LCLAT1: variants seen among roughly 807,000 people sequenced by gnomAD.
The protein encoded by LCLAT1 is lysocardiolipin acyltransferase 1.
In LCLAT1, 11 loss-of-function variants were observed where a neutral mutation model predicts 30.7. That is an observed-to-expected ratio of 0.36 (90% CI 0.23 to 0.59). The LOEUF (loss-of-function observed/expected upper bound fraction) is 0.59, where lower values mean the gene tolerates loss of function less well. Among genes scored for constraint, LCLAT1 ranks in the 20% least tolerant of loss-of-function variants. The pLI, the probability that LCLAT1 is intolerant of heterozygous loss-of-function variation, is 0.77. For synonymous variants in LCLAT1, 155 were observed against 151.3 expected, an observed-to-expected ratio of 1.02 and a Z score of -0.18; for missense variants, 402 against 458.6, an observed-to-expected ratio of 0.88 and a Z score of 1.13.
rs142682387 is a variant in LCLAT1 at position 30,521,750 on chromosome 2, T to A, written c.-4-3837T>A. Among the ~76,000 whole-genome samples the A allele has an allele frequency of 9.6e-3, 1,464 of 151,772 alleles. 21 individuals are homozygous for A. Among genetic ancestry groups the A allele is most frequent in the African/African-American group, 0.033 (1,366 of 41,372 alleles). ...TCGATCTCCTGACCTCGTGATCTGC[T>A]CCCCTTGGCCTCCCAAAATGCTGGG... is the stretch of plus-strand genomic sequence containing the variant. On this transcript the variant is annotated intron_variant, in intron 1 of 5. Transcript: ENST00000379509.
rs1257500626 is a variant in LCLAT1 at position 30,610,256 on chromosome 2, G to C, written c.629-29861G>C. 3.3e-5 allele frequency among the ~76,000 whole-genome samples: 5 copies of C among 152,024 alleles called. No homozygotes were observed. In the South Asian group the frequency reaches 6.2e-4, roughly 19 times the overall value. ...ATGTGCTAAATAAATTATATGCAGGGCAAAGCAATACATTATAATTAGGCA... is the reference window on the plus strand; with the variant it reads ...ATGTGCTAAATAAATTATATGCAGGCCAAAGCAATACATTATAATTAGGCA... On this transcript the variant is annotated intron_variant, in intron 5 of 5. Transcript: ENST00000379509.
chr2:30,579,779 G>A (rs553645355), intron 5 of LCLAT1, among the ~76,000 whole-genome samples: 59 of 151,986 alleles, frequency 3.9e-4, no homozygotes, highest in African/African-American at 1.4e-3. Context: ...AGAAAGAGTG[G>A]GAACTGTGAA....
Position 30,539,247 on chromosome 2 carries a change from CCTTT to C in LCLAT1, c.364+5934_364+5937del, listed in dbSNP as rs1189792325. ...TACAGGCTTGAGCCACCGCGCCAGGCCTTTTTTTTTTTTTTTTTTTTTTTTTAAA... is the reference window on the plus strand; with the variant it reads ...TACAGGCTTGAGCCACCGCGCCAGGCTTTTTTTTTTTTTTTTTTTTTTAAA... On this transcript the variant is annotated intron_variant, in intron 3 of 5. Coordinates refer to ENST00000379509, the MANE Select transcript of LCLAT1 (RefSeq NM_001002257.3). Among the ~76,000 whole-genome samples the C allele has an allele frequency of 6.7e-5, 6 of 89,100 alleles. No individual in the cohort carries two copies. The Admixed American group carries it at 7.8e-4, about 12-fold the overall frequency. 58.5% of individuals were successfully genotyped at this position (89,100 alleles called of 152,430 possible). A position where few individuals can be genotyped will look rare whatever the true frequency, so the allele number is the denominator to read the frequency against.
intron 5 of LCLAT1, among the ~76,000 whole-genome samples, chr2:30,619,212 T>C (rs1282063146): frequency 6.6e-6 from 1 of 152,220 alleles, no homozygotes; most frequent in Non-Finnish European, 1.5e-5. Context: ...TATCTTTATA[T>C]ACTACTTATA....
intron 1 of LCLAT1, among the ~76,000 whole-genome samples, chr2:30,461,692 G>A (rs1408740675): frequency 6.6e-6 from 1 of 152,000 alleles, no homozygotes; most frequent in African/African-American, 2.4e-5. Flanking sequence ...CTTTGGGTTG[G>A]GCCAACTATC....
At position 30,509,690 on chromosome 2, in the gene LCLAT1, C is replaced by T. The variant is rs1044792738; in HGVS notation, c.-4-15897C>T. ...AAATGATTCTCCTGCCTCAGCTTCC[C>T]AAGTAGCTGGGACTACAGATGCATG... On this transcript the variant is annotated intron_variant, in intron 1 of 5. Coordinates refer to ENST00000379509, the MANE Select transcript of LCLAT1 (RefSeq NM_001002257.3). 7.9e-5 allele frequency among the ~76,000 whole-genome samples: 12 copies of T among 152,032 alleles called. No homozygotes were observed. In the East Asian group the frequency reaches 1.9e-3, roughly 24 times the overall value.
At chr2:30,560,177 C>G (rs1665129262) in intron 3 of LCLAT1, among the ~76,000 whole-genome samples, 1 of 151,964 alleles carries the variant, frequency 6.6e-6, no homozygotes, top group Non-Finnish European at 1.5e-5. Context: ...TAACTGGATG[C>G]TTATCAGCAA....
intron 5 of LCLAT1, among the ~76,000 whole-genome samples, chr2:30,629,375 C>T (rs934526238): frequency 3.3e-5 from 5 of 152,152 alleles, no homozygotes; most frequent in African/African-American, 4.8e-5. Context: ...GCCTGGCCAA[C>T]GTGGCGAAAC....
chr2:30,471,729 C>A (rs1486908652), intron 1 of LCLAT1, among the ~76,000 whole-genome samples: 1 of 152,056 alleles, frequency 6.6e-6, no homozygotes, highest in Non-Finnish European at 1.5e-5. Context: ...GTGTGTTGAT[C>A]TCGTACCCTT....
At chr2:30,480,820 C>A (rs578000966) in intron 1 of LCLAT1, among the ~76,000 whole-genome samples, 86 of 152,148 alleles carry the variant, frequency 5.7e-4, no homozygotes, top group Non-Finnish European at 9.0e-4. Context: ...TAATAGTGCA[C>A]AATATCAATA....
chr2:30,628,355 T>G (rs922132062), intron 5 of LCLAT1, among the ~76,000 whole-genome samples: 1 of 152,228 alleles, frequency 6.6e-6, no homozygotes, highest in Non-Finnish European at 1.5e-5. Flanking sequence ...AAAACTGTTA[T>G]GTAAATATAA....
chr2:30,536,258 G>C (rs1379959219), intron 3 of LCLAT1, among the ~76,000 whole-genome samples: 2 of 152,140 alleles, frequency 1.3e-5, no homozygotes, highest in East Asian at 3.9e-4. Flanking sequence ...CCAAGTCTTG[G>C]GAGTAATATG....
intron 1 of LCLAT1, among the ~76,000 whole-genome samples, chr2:30,494,968 T>TA (rs1217992223): frequency 2.0e-5 from 3 of 150,918 alleles, no homozygotes; most frequent in African/African-American, 2.4e-5. Flanking sequence ...TTTTTTTTTT[T>TA]AATTTTTGAA....
At chr2:30,501,090 GTGTGTGTA>G (rs1334405068) in intron 1 of LCLAT1, among the ~76,000 whole-genome samples, 2,719 of 145,140 alleles carry the variant, frequency 0.019, 43 homozygotes, top group African/African-American at 0.048. Flanking sequence ...GTGTGTGTGT[GTGTGTGTA>G]TGTGTGTGTG....
intron 4 of LCLAT1, among the ~76,000 whole-genome samples, chr2:30,566,754 T>C (rs1665501984): frequency 6.6e-6 from 1 of 152,242 alleles, no homozygotes; most frequent in Non-Finnish European, 1.5e-5. Context: ...GCCAAATTTC[T>C]GAACACTTTA....
intron 3 of LCLAT1, among the ~76,000 whole-genome samples, chr2:30,550,904 T>C (rs1260682485): frequency 6.6e-6 from 1 of 152,200 alleles, no homozygotes; most frequent in Non-Finnish European, 1.5e-5. Flanking sequence ...CTCATTGATA[T>C]TTATTTTAAT....
At chr2:30,630,987 A>C (rs1024247038) in intron 5 of LCLAT1, among the ~76,000 whole-genome samples, 1 of 152,212 alleles carries the variant, frequency 6.6e-6, no homozygotes, top group Non-Finnish European at 1.5e-5. Flanking sequence ...TGTAAGTTGT[A>C]ATTGATGATT....
chr2:30,500,649 A>G (rs563492101), intron 1 of LCLAT1, among the ~76,000 whole-genome samples: 2 of 152,340 alleles, frequency 1.3e-5, no homozygotes, highest in South Asian at 2.1e-4. Context: ...TTCATGAGTC[A>G]TTGTGGGTAA....
rs560416444 is a variant in LCLAT1 at position 30,642,743 on chromosome 2, A to C, written c.*2124A>C. 3.3e-5 allele frequency: 5 copies of C among 149,316 alleles called. No homozygotes were observed. The highest frequency in any genetic ancestry group is 2.0e-4 in the Admixed American group (3 of 14,908). The allele number at this position is 149,316 out of a possible 1,614,324, so 9.2% of individuals were successfully genotyped here. ...CCTTTTCATCATAGAAAACATGTTT[A>C]AGATAAAATACAAACTTTACCTACC... On this transcript the variant is annotated 3_prime_UTR_variant, in exon 6 of 6. Coordinates refer to ENST00000379509, the MANE Select transcript of LCLAT1 (RefSeq NM_001002257.3).
Sources: gnomAD v4.1 joint callset for allele counts (sites outside exome capture counted in the v4.1 genomes callset) on GRCh38, gnomAD v4.1.1 for gene constraint, MANE v1.5 for transcripts, NCBI Gene and HGNC (gene_info 2026-07-23, HGNC 2026-07-21) for gene names.